The following ANKRD24 variants were observed in gnomAD, a reference collection of about 807,000 sequenced individuals.
ANKRD24 encodes the protein ankyrin repeat domain 24.
Under a neutral mutation model 127.8 loss-of-function variants are expected in ANKRD24, and 109 were observed. The observed-to-expected ratio is 0.85, with a 90% CI of 0.73 to 1.00. The LOEUF (loss-of-function observed/expected upper bound fraction) is 1.00. Among genes scored for constraint, ANKRD24 ranks in the 50% least tolerant of loss-of-function variants. The pLI is 0.00. For synonymous variants in ANKRD24, 743 were observed against 671.1 expected (o/e 1.11, Z -1.66); for missense variants, 1,648 against 1,570.2 (o/e 1.05, Z -0.84).
chr19:4,219,744 GAGA>G lies in ANKRD24; in HGVS notation c.3160_3162del (p.Lys1054del). ...CCAGGAGGCTCTGGACAAGGCCAAG[GAGA>G]AGGACAAGAAGGTGGGTGCCCCCTC... On this transcript the variant is annotated inframe_deletion, in exon 19 of 22. Coordinates refer to ENST00000318934, the MANE Select transcript of ANKRD24 (RefSeq NM_001393985.1). 2 of 1,607,968 alleles carry G rather than the reference GAGA, an allele frequency of 1.2e-6. No individual in the cohort carries two copies. The highest frequency in any genetic ancestry group is 1.1e-5 in the South Asian group (1 of 90,746).
intron 2 of ANKRD24, among the ~76,000 whole-genome samples, chr19:4,197,409 G>A (rs1490012149): frequency 1.3e-5 from 2 of 152,286 alleles, no homozygotes; most frequent in East Asian, 3.9e-4. Context: ...ACAAATGAAT[G>A]AATGGGTGGT....
At chr19:4,189,239 TCTTC>T (rs1968239121) in intron 2 of ANKRD24, among the ~76,000 whole-genome samples, 1 of 141,378 alleles carries the variant, frequency 7.1e-6, no homozygotes, top group African/African-American at 2.6e-5. Context: ...AATTTTTCTT[TCTTC>T]TTTTTTTTTT....
In ANKRD24 at chr19:4,182,736, T is replaced by C. The variant is rs1288931688; in HGVS notation, c.-41T>C. On this transcript the variant is annotated 5_prime_UTR_variant, in exon 1 of 22. It removes an upstream start codon present in the reference 5' UTR. Coordinates refer to ENST00000318934, the MANE Select transcript of ANKRD24 (RefSeq NM_001393985.1). ...TCAGAAGGAAGCCTGCCTCTTTGCA[T>C]GCAGGTGTTTGCGGGGCTTGGGAAG... 1.4e-6 allele frequency: 2 copies of C among 1,397,382 alleles called. No homozygotes were observed. The highest frequency in any genetic ancestry group is 2.9e-5 in the East Asian group (1 of 34,158). The allele number at this position is 1,397,382 out of a possible 1,614,324, so 86.6% of individuals were successfully genotyped here. A position where few individuals can be genotyped will look rare whatever the true frequency, so the allele number is the denominator to read the frequency against.
At chr19:4,189,940 T>C (rs918783481) in intron 2 of ANKRD24, among the ~76,000 whole-genome samples, 2 of 151,824 alleles carry the variant, frequency 1.3e-5, no homozygotes, top group Non-Finnish European at 2.9e-5. Flanking sequence ...GGGGAGTGCA[T>C]TGATTGAAAA....
chr19:4,198,187 G>A lies in ANKRD24; in HGVS notation c.37-1496G>A, dbSNP rs906554763. 3.5e-6 allele frequency: 2 copies of A among 571,940 alleles called. No individual in the cohort carries two copies. Among genetic ancestry groups the A allele is most frequent in the Non-Finnish European group, 6.2e-6 (2 of 323,186 alleles). 35.4% of individuals were successfully genotyped at this position (571,940 alleles called of 1,614,324 possible). A position where few individuals can be genotyped will look rare whatever the true frequency, so the allele number is the denominator to read the frequency against. On this transcript the variant is annotated intron_variant, in intron 2 of 21. Transcript: ENST00000318934. This position sits in a 1 kb window ranked among gnomAD's most constrained non-coding sequence, Gnocchi z 6.1. ...GTGAGGGAGCCGGGCCCCCGGCGCC[G>A]CGTCCTCCTCATCCTCCAGGCGACA...
chr19:4,216,129 G>T, intron 16 of ANKRD24, 79 bp downstream of exon 16: 1 of 1,476,516 alleles, frequency 6.8e-7, no homozygotes, highest in South Asian at 1.2e-5. Flanking sequence ...GGGTGTGGGG[G>T]AGTTTGAAGC....
Position 4,207,492 on chromosome 19 carries a change from C to T in ANKRD24, c.538-9C>T. The stretch of plus-strand genomic sequence containing the variant: ...CTCATGCCATCGCATCCCTCCTCCT[C>T]CCTACCAGTCAGGCGCAACACCCCT... On this transcript the variant is annotated splice_polypyrimidine_tract_variant and intron_variant, in intron 8 of 21. Coordinates refer to ENST00000318934, the MANE Select transcript of ANKRD24 (RefSeq NM_001393985.1). The T allele has an allele frequency of 6.2e-7, 1 of 1,613,240 alleles. No individual in the cohort carries two copies. The highest frequency in any genetic ancestry group is 8.5e-7 in the Non-Finnish European group (1 of 1,179,242).
intron 18 of ANKRD24, among the ~76,000 whole-genome samples, chr19:4,219,342 C>T (rs1423525443): frequency 1.3e-5 from 2 of 151,994 alleles, no homozygotes; most frequent in African/African-American, 2.4e-5. Flanking sequence ...ATGGTGGCAC[C>T]TGTGGTCCCA....
At position 4,218,054 on chromosome 19, in the gene ANKRD24, C is replaced by T. The variant is rs552920984; in HGVS notation, c.2894C>T (p.Ser965Leu). The T allele has an allele frequency of 3.8e-6, 6 of 1,559,898 alleles. No homozygotes were observed. The highest frequency in any genetic ancestry group is 2.8e-5 in the African/African-American group (2 of 71,874). ...ERERVCSVAL[S>L]EHERIVGTLQ... Reference sequence around the variant, plus strand: ...GAGCGTGTGTGCAGCGTGGCGCTCTCGGAGCACGAACGCATCGTGGGCACC... The same window carrying T: ...GAGCGTGTGTGCAGCGTGGCGCTCTTGGAGCACGAACGCATCGTGGGCACC... The change falls in exon 18 of 22, where the codon TCG becomes TTG. Residue 965 changes from serine to leucine, a missense_variant. By Grantham distance (145) the Ser-to-Leu change is moderately radical. Transcript: ENST00000318934.
At chr19:4,209,969 G>A (rs964480977) in intron 11 of ANKRD24, 89 bp from the exon 12 acceptor site, 7 of 728,652 alleles carry the variant, frequency 9.6e-6, no homozygotes, top group Non-Finnish European at 1.6e-5. Flanking sequence ...TCAGGCCATG[G>A]CTGGGGCTGG....
intron 20 of ANKRD24, among the ~76,000 whole-genome samples, chr19:4,223,588 T>C (rs115172385): frequency 3.5e-3 from 518 of 149,526 alleles, no homozygotes; most frequent in African/African-American, 0.012. Flanking sequence ...TTTGTTTTTT[T>C]TGAGTCTCAC....
Position 4,217,160 on chromosome 19 carries a change from C to T in ANKRD24, c.2000C>T (p.Thr667Ile), listed in dbSNP as rs1970142742. 3 of 1,613,094 alleles carry T rather than the reference C, an allele frequency of 1.9e-6. No homozygotes were observed. The Admixed American group carries it at 5.0e-5, about 27-fold the overall frequency. Reference sequence around the variant, plus strand: ...GCTGGGCAAGCAGAGCCCCCAGTCACAGGGACCACAAACATGGAGGCCACG... The same window carrying T: ...GCTGGGCAAGCAGAGCCCCCAGTCATAGGGACCACAAACATGGAGGCCACG... ...VGAGQAEPPV[T>I]GTTNMEATGS... Residue 667 changes from threonine (T) to isoleucine (I), a missense_variant, in exon 18 of 22, where the codon ACA (threonine) becomes ATA (isoleucine). By Grantham distance (89) the Thr-to-Ile change is moderately conservative. Coordinates refer to ENST00000318934, the MANE Select transcript of ANKRD24 (RefSeq NM_001393985.1).
intron 19 of ANKRD24, among the ~76,000 whole-genome samples, chr19:4,221,755 A>G (rs1168608890): frequency 3.3e-5 from 5 of 152,052 alleles, no homozygotes; most frequent in African/African-American, 1.2e-4. Flanking sequence ...GGGAGGGCAA[A>G]ATTGCAGTTA....
chr19:4,216,092 C>G, intron 16 of ANKRD24, 42 bp downstream of exon 16: 1 of 1,543,672 alleles, frequency 6.5e-7, no homozygotes. Flanking sequence ...CGCCTTGTCC[C>G]CTGGGGCCCT....
chr19:4,207,060 C>T (rs1157773691), intron 7 of ANKRD24, 182 bp from the exon 8 acceptor site: 1 of 604,256 alleles, frequency 1.7e-6, no homozygotes, highest in African/African-American at 1.9e-5. Context: ...CACAGACACA[C>T]ACCACCACAC....
intron 8 of ANKRD24, 52 bp downstream of exon 8, chr19:4,207,364 C>T: frequency 6.3e-7 from 1 of 1,595,866 alleles, no homozygotes; most frequent in Non-Finnish European, 8.6e-7. Flanking sequence ...GGTATGCTGC[C>T]ACCAAGTGGC....
chr19:4,183,062 T>G (rs550347304), intron 1 of ANKRD24, among the ~76,000 whole-genome samples: 37 of 151,354 alleles, frequency 2.4e-4, no homozygotes, highest in Admixed American at 2.4e-3. Context: ...CACTGCAACC[T>G]CCGCCTCTTG....
intron 2 of ANKRD24, among the ~76,000 whole-genome samples, chr19:4,194,769 C>T (rs926894844): frequency 2.6e-5 from 4 of 152,132 alleles, no homozygotes; most frequent in Non-Finnish European, 4.4e-5. Context: ...AGTGATGGGG[C>T]TAGACTATGG....
At chr19:4,212,929 G>A (rs1969829910) in intron 15 of ANKRD24, among the ~76,000 whole-genome samples, 1 of 152,158 alleles carries the variant, frequency 6.6e-6, no homozygotes, top group Non-Finnish European at 1.5e-5. Flanking sequence ...TCAGGAGATC[G>A]AGACTGTCCT....
Sources: gnomAD v4.1 joint callset for allele counts (sites outside exome capture counted in the v4.1 genomes callset) on GRCh38, gnomAD v4.1.1 for gene constraint, Gnocchi (gnomAD v3.1) non-coding constraint, MANE v1.5 for transcripts, NCBI Gene and HGNC (gene_info 2026-07-23, HGNC 2026-07-21) for gene names.